Variants in WNK3 observed in about 807,000 individuals in gnomAD.
WNK3 encodes the protein WNK lysine deficient protein kinase 3, also known as serine/threonine-protein kinase WNK3.
Under a neutral mutation model 116.7 loss-of-function variants are expected in WNK3, and 18 were observed. The ratio of observed to expected loss-of-function variants is 0.15; its 90% CI spans 0.11 to 0.23. The LOEUF (loss-of-function observed/expected upper bound fraction) is 0.23, where lower values mean the gene tolerates loss of function less well. Ranked by LOEUF, WNK3 falls within the 10% of genes least tolerant of loss-of-function variation. WNK3 has a pLI of 1.00. For missense variants in WNK3, 993 were observed against 1,323.8 expected, an observed-to-expected ratio of 0.75 and a Z score of 3.88; for synonymous variants, 404 against 469.4, an observed-to-expected ratio of 0.86 and a Z score of 1.80.
At chrX:54,218,843 G>A (rs190983025) in intron 22 of WNK3, among the ~76,000 whole-genome samples, 95 of 111,231 alleles carry the variant, frequency 8.5e-4, no homozygotes, top group Non-Finnish European at 4.2e-4. Flanking sequence ...AAGATCACAC[G>A]ACTTCACACC....
intron 10 of WNK3, among the ~76,000 whole-genome samples, chrX:54,274,229 A>G (rs2068415738): frequency 8.9e-6 from 1 of 111,798 alleles, no homozygotes; most frequent in Non-Finnish European, 1.9e-5. Flanking sequence ...TTGTTCATTC[A>G]TTCTACTACC....
intron 17 of WNK3, among the ~76,000 whole-genome samples, chrX:54,242,273 C>T (rs781871810): frequency 5.4e-5 from 6 of 111,701 alleles, no homozygotes; most frequent in Non-Finnish European, 1.1e-4. Context: ...AACTACAAAA[C>T]ATCAATGAAA....
At chrX:54,233,457 G>A (rs1283559159) in intron 20 of WNK3, among the ~76,000 whole-genome samples, 1 of 91,807 alleles carries the variant, frequency 1.1e-5, no homozygotes, top group Non-Finnish European at 2.1e-5. Context: ...AAGAAAGAAA[G>A]AGAGAGCGAG....
At chrX:54,341,992 C>T (rs782215991) in intron 1 of WNK3, among the ~76,000 whole-genome samples, 1 of 112,233 alleles carries the variant, frequency 8.9e-6, no homozygotes, top group African/African-American at 3.2e-5. Context: ...CAGTGGCTAA[C>T]ACCTGTACTC....
intron 2 of WNK3, 95 bp from the exon 3 acceptor site, chrX:54,311,386 T>C (rs1386106573): frequency 3.2e-6 from 2 of 621,692 alleles, no homozygotes; most frequent in East Asian, 3.6e-5. Context: ...CATATATGCA[T>C]GGATGTGTAT....
intron 22 of WNK3, among the ~76,000 whole-genome samples, chrX:54,208,043 C>A (rs782585338): frequency 1.8e-5 from 2 of 111,167 alleles, no homozygotes; most frequent in Non-Finnish European, 3.8e-5. Flanking sequence ...TAACCTCAGT[C>A]TCTTCACCTA....
intron 22 of WNK3, among the ~76,000 whole-genome samples, 178 bp from the exon 23 acceptor site, chrX:54,202,371 T>C (rs1212045777): frequency 1.8e-5 from 2 of 111,664 alleles, no homozygotes; most frequent in Non-Finnish European, 3.8e-5. Flanking sequence ...CTGGAGTAAT[T>C]GCTAACAGTA....
chrX:54,330,259 G>C (rs1019264362), intron 2 of WNK3, among the ~76,000 whole-genome samples: 2 of 111,473 alleles, frequency 1.8e-5, no homozygotes, highest in Non-Finnish European at 3.8e-5. Flanking sequence ...TGTAGTCCCA[G>C]CTACTAGGGA....
chrX:54,196,516 G>T lies in WNK3; in HGVS notation c.*1808C>A, dbSNP rs1326925092. The T allele has an allele frequency of 5.5e-5, 6 of 109,539 alleles. 1 individual carries two copies. The highest frequency in any genetic ancestry group is 1.1e-4 in the Non-Finnish European group (6 of 52,486). The allele number at this position is 109,539 out of a possible 1,213,427, so 9.0% of individuals were successfully genotyped here. A position where few individuals can be genotyped will look rare whatever the true frequency, so the allele number is the denominator to read the frequency against. On this transcript the variant is annotated 3_prime_UTR_variant, in exon 24 of 24. Coordinates refer to ENST00000354646, the Ensembl canonical transcript of WNK3. ...CGTCATTACCTGGCAAGCCCATGGGGTATAATTTTTAGAAGAATACGGAGG... is the reference window on the plus strand; with the variant it reads ...CGTCATTACCTGGCAAGCCCATGGGTTATAATTTTTAGAAGAATACGGAGG...
At chrX:54,203,775 C>T (rs782500853) in intron 22 of WNK3, among the ~76,000 whole-genome samples, 7 of 109,396 alleles carry the variant, frequency 6.4e-5, no homozygotes, top group African/African-American at 1.7e-4. Flanking sequence ...GATGAAACCC[C>T]GTCTCTACTA....
chrX:54,319,723 A>T (rs1470661101), intron 2 of WNK3, among the ~76,000 whole-genome samples: 1 of 112,613 alleles, frequency 8.9e-6, no homozygotes, highest in Non-Finnish European at 1.9e-5. Flanking sequence ...TTAAAGTAGC[A>T]CCAAAATCCA....
At chrX:54,259,364 T>C in intron 10 of WNK3, 26 bp from the exon 11 acceptor site, 1 of 1,046,992 alleles carries the variant, frequency 9.6e-7, no homozygotes, top group Non-Finnish European at 1.3e-6. Context: ...ACATAAAACT[T>C]GCTATGATAA....
At chrX:54,333,413 A>G (rs1557174716) in exon 2 of WNK3, 9 of 1,210,151 alleles carry the variant, frequency 7.4e-6, no homozygotes, top group Non-Finnish European at 1.1e-6. Flanking sequence ...CTACTCTTGG[A>G]ATATTCATTG....
chrX:54,206,151 T>C (rs782077600), intron 22 of WNK3, among the ~76,000 whole-genome samples: 1 of 111,587 alleles, frequency 9.0e-6, no homozygotes, highest in South Asian at 3.8e-4. Context: ...GTAATCCTAG[T>C]ACTTTAGGAG....
At chrX:54,243,370 A>C (rs1350538211) in intron 17 of WNK3, among the ~76,000 whole-genome samples, 2 of 103,840 alleles carry the variant, frequency 1.9e-5, no homozygotes, top group East Asian at 6.0e-4. Flanking sequence ...GCAGTGAGCC[A>C]AGATAGCGCC....
intron 7 of WNK3, among the ~76,000 whole-genome samples, chrX:54,296,061 T>C (rs1451550092): frequency 9.0e-6 from 1 of 111,727 alleles, no homozygotes; most frequent in Non-Finnish European, 1.9e-5. Flanking sequence ...GTGCAGAAGT[T>C]TGGAGTGGAG....
intron 20 of WNK3, among the ~76,000 whole-genome samples, chrX:54,233,307 G>T (rs1287995485): frequency 9.5e-6 from 1 of 105,537 alleles, no homozygotes; most frequent in Non-Finnish European, 1.9e-5. Context: ...GCACGGTGGT[G>T]CATGCCTGTA....
chrX:54,347,711 C>T (rs782580958), intron 1 of WNK3, among the ~76,000 whole-genome samples: 1 of 103,340 alleles, frequency 9.7e-6, no homozygotes, highest in Non-Finnish European at 2.0e-5. Context: ...TATATATACA[C>T]ATATATATAT....
exon 17 of WNK3, chrX:54,249,106 C>A: frequency 8.3e-7 from 1 of 1,211,537 alleles, no homozygotes. Flanking sequence ...TGGTTCAAGG[C>A]CAGGGGTCTG....
Sources: gnomAD v4.1 joint callset for allele counts (sites outside exome capture counted in the v4.1 genomes callset) on GRCh38, gnomAD v4.1.1 for gene constraint, MANE v1.5 for transcripts, NCBI Gene and HGNC (gene_info 2026-07-23, HGNC 2026-07-21) for gene names.